ERBB4: variants seen among roughly 807,000 people sequenced by gnomAD.
ERBB4 encodes receptor tyrosine-protein kinase erbB-4.
Under a neutral mutation model 158.0 loss-of-function variants are expected in ERBB4, and 42 were observed. The observed-to-expected ratio is 0.27, with a 90% CI of 0.21 to 0.34. ERBB4 has a LOEUF of 0.34. Among genes scored for constraint, ERBB4 ranks in the 10% least tolerant of loss-of-function variants. The pLI is 1.00. For missense variants in ERBB4, 1,333 were observed against 1,624.1 expected, an observed-to-expected ratio of 0.82 and a Z score of 3.08; for synonymous variants, 583 against 558.7, an observed-to-expected ratio of 1.04 and a Z score of -0.61.
intron 22 of ERBB4, 107 bp from the exon 23 acceptor site, chr2:211,424,408 C>T: frequency 1.4e-6 from 1 of 722,822 alleles, no homozygotes; most frequent in Non-Finnish European, 2.3e-6. Context: ...AATCCAAACA[C>T]CAATCAATTA....
chr2:211,983,377 G>A (rs1017330380), intron 2 of ERBB4, among the ~76,000 whole-genome samples: 1 of 152,160 alleles, frequency 6.6e-6, no homozygotes, highest in Admixed American at 6.5e-5. Context: ...TGGGGAGATG[G>A]TAGTTCAAAT....
intron 20 of ERBB4, among the ~76,000 whole-genome samples, chr2:211,552,099 A>G (rs1020851898): frequency 6.6e-6 from 1 of 152,168 alleles, no homozygotes; most frequent in African/African-American, 2.4e-5. Flanking sequence ...TAGTAAAGAA[A>G]AGTAAAGCGC....
intron 20 of ERBB4, among the ~76,000 whole-genome samples, chr2:211,502,192 T>G (rs1360609149): frequency 1.3e-5 from 2 of 152,128 alleles, no homozygotes; most frequent in Admixed American, 1.3e-4. Flanking sequence ...CACCTGTGTA[T>G]GAGATATGCA....
intron 2 of ERBB4, among the ~76,000 whole-genome samples, chr2:211,989,548 C>A (rs1182842198): frequency 6.6e-6 from 1 of 151,618 alleles, no homozygotes; most frequent in Non-Finnish European, 1.5e-5. Context: ...AGGTAAAAAT[C>A]CTTTTTCTTG....
chr2:211,411,947 C>G (rs1474226497), intron 25 of ERBB4, among the ~76,000 whole-genome samples: 1 of 151,726 alleles, frequency 6.6e-6, no homozygotes, highest in African/African-American at 2.4e-5. Context: ...AGAAATTGAG[C>G]CTATTTTCCA....
chr2:212,298,401 A>C lies in ERBB4; in HGVS notation c.83-173498T>G, dbSNP rs75752953. Among the ~76,000 whole-genome samples the C allele has an allele frequency of 8.0e-3, 1,222 of 151,900 alleles. 10 individuals carry two copies. Among genetic ancestry groups the C allele is most frequent in the African/African-American group, 0.027 (1,116 of 41,512 alleles). Reference sequence around the variant, plus strand: ...TAACTTTGCTGTTAGGAATTAAAAAACAATATTCTATGGCTATGAAAATTT... The same window carrying C: ...TAACTTTGCTGTTAGGAATTAAAAACCAATATTCTATGGCTATGAAAATTT... On this transcript the variant is annotated intron_variant, in intron 1 of 27. Coordinates refer to ENST00000342788, the MANE Select transcript of ERBB4 (RefSeq NM_005235.3).
chr2:212,121,073 G>C (rs1575662589), intron 2 of ERBB4, among the ~76,000 whole-genome samples: 1 of 152,210 alleles, frequency 6.6e-6, no homozygotes, highest in East Asian at 1.9e-4. Context: ...CATATTCAAA[G>C]GTATAATTTG....
At chr2:211,417,120 C>T (rs545314050) in intron 25 of ERBB4, among the ~76,000 whole-genome samples, 1 of 152,098 alleles carries the variant, frequency 6.6e-6, no homozygotes, top group African/African-American at 2.4e-5. Flanking sequence ...AATAGCTTCT[C>T]ATTTTCTCCT....
intron 3 of ERBB4, among the ~76,000 whole-genome samples, chr2:211,877,225 T>C (rs2078527601): frequency 6.6e-6 from 1 of 152,208 alleles, no homozygotes; most frequent in African/African-American, 2.4e-5. Flanking sequence ...TGGCTGAAGC[T>C]CGAGTAGCCT....
At chr2:211,812,923 G>A (rs763810457) in intron 3 of ERBB4, among the ~76,000 whole-genome samples, 3 of 152,216 alleles carry the variant, frequency 2.0e-5, no homozygotes, top group Non-Finnish European at 4.4e-5. Context: ...GGGCGGGAGT[G>A]TCCCGTTTTT....
rs116664899 is a variant in ERBB4 at position 211,521,848 on chromosome 2, C to T, written c.2487+40055G>A. 2.1e-3 allele frequency among the ~76,000 whole-genome samples: 321 copies of T among 152,256 alleles called. 2 individuals are homozygous for T. Among genetic ancestry groups the T allele is most frequent in the African/African-American group, 7.0e-3 (289 of 41,558 alleles). ...AAACGAAACAACAAGGCCCAGATGA[C>T]AGCACATCTGTTGTCAGCATGGTTT... On this transcript the variant is annotated intron_variant, in intron 20 of 27. Transcript: ENST00000342788.
At chr2:211,497,616 A>G (rs1176873862) in intron 20 of ERBB4, among the ~76,000 whole-genome samples, 2 of 152,134 alleles carry the variant, frequency 1.3e-5, no homozygotes, top group African/African-American at 4.8e-5. Context: ...CACAAAGGAA[A>G]CAGGCACATA....
intron 1 of ERBB4, among the ~76,000 whole-genome samples, chr2:212,500,806 T>G (rs1040489947): frequency 6.6e-6 from 1 of 152,046 alleles, no homozygotes; most frequent in Non-Finnish European, 1.5e-5. Flanking sequence ...TCAGTGGAAG[T>G]AAAAGAGGAA....
At chr2:211,964,660 A>G (rs1463114772) in intron 2 of ERBB4, among the ~76,000 whole-genome samples, 1 of 152,166 alleles carries the variant, frequency 6.6e-6, no homozygotes, top group Non-Finnish European at 1.5e-5. Context: ...CACAGAAATA[A>G]AACTTAAAAA....
intron 2 of ERBB4, among the ~76,000 whole-genome samples, chr2:212,099,144 AAAATAAATAAATAAATAAAT>A (rs59327182): frequency 4.9e-5 from 7 of 143,016 alleles, no homozygotes; most frequent in Admixed American, 1.4e-4. Context: ...GCCCCTCTCT[AAAATAAATAAATAAATAAAT>A]AAATAAATAA....
rs111882045 is a variant in ERBB4 at position 211,767,738 on chromosome 2, C to T, written c.557-17034G>A. Among the ~76,000 whole-genome samples, 1,420 of 152,164 alleles carry T rather than the reference C, an allele frequency of 9.3e-3. 26 individuals are homozygous for T. Among genetic ancestry groups the T allele is most frequent in the African/African-American group, 0.032 (1,348 of 41,520 alleles). On this transcript the variant is annotated intron_variant, in intron 4 of 27. Transcript: ENST00000342788. ...CACCACAGCAGCATGAGGGTAACAG[C>T]CCTAAATTACTAAATTACCTCCCAC...
chr2:212,489,722 C>CATAT (rs35013848), intron 1 of ERBB4, among the ~76,000 whole-genome samples: 6 of 149,636 alleles, frequency 4.0e-5, no homozygotes, highest in African/African-American at 1.5e-4. Flanking sequence ...AAAATATATA[C>CATAT]ATATATATAT....
chr2:211,622,681 G>A (rs1489655292), intron 18 of ERBB4, among the ~76,000 whole-genome samples: 4 of 151,672 alleles, frequency 2.6e-5, no homozygotes, highest in African/African-American at 4.8e-5. Flanking sequence ...TATATTAAAT[G>A]CCAGCCGGGC....
At chr2:211,542,413 T>A (rs1311812578) in intron 20 of ERBB4, among the ~76,000 whole-genome samples, 2 of 152,018 alleles carry the variant, frequency 1.3e-5, no homozygotes, top group East Asian at 3.9e-4. Context: ...AACTTTTCCA[T>A]CCCCCTCTGC....
Sources: allele counts gnomAD v4.1 joint callset (sites outside exome capture counted in the v4.1 genomes callset), GRCh38; gene constraint gnomAD v4.1.1; transcripts MANE v1.5; gene names NCBI Gene and HGNC (gene_info 2026-07-23, HGNC 2026-07-21).